Variants in THSD4 observed in about 807,000 individuals in gnomAD.
The protein encoded by THSD4 is thrombospondin type 1 domain containing 4.
Under a neutral mutation model 119.0 loss-of-function variants are expected in THSD4, and 69 were observed. The ratio of observed to expected loss-of-function variants is 0.58; its 90% CI spans 0.48 to 0.71. The LOEUF (loss-of-function observed/expected upper bound fraction) is 0.71, where lower values mean the gene tolerates loss of function less well. Ranked by LOEUF, THSD4 falls within the 30% of genes least tolerant of loss-of-function variation. The probability of loss-of-function intolerance (pLI) is 0.00; values close to 1 mark genes in which losing one functional copy is unlikely to be tolerated. For synonymous variants in THSD4, 524 were observed against 540.4 expected (o/e 0.97, Z 0.42); for missense variants, 1,393 against 1,391.1 (o/e 1.00, Z -0.02).
At chr15:71,758,513 A>C (rs903581691) in intron 15 of THSD4, among the ~76,000 whole-genome samples, 2 of 152,256 alleles carry the variant, frequency 1.3e-5, no homozygotes, top group Non-Finnish European at 2.9e-5. Flanking sequence ...TGTATTTGAC[A>C]GTATCAGAAG....
At chr15:71,110,258 T>C (rs1309372748) in intron 1 of THSD4, 1 of 152,230 alleles carries the variant, frequency 6.6e-6, no homozygotes, top group East Asian at 1.9e-4. Flanking sequence ...TTCAGAATGA[T>C]GGATTTGCTT....
intron 7 of THSD4, among the ~76,000 whole-genome samples, chr15:71,636,296 G>A (rs1333392387): frequency 6.6e-6 from 1 of 152,084 alleles, no homozygotes; most frequent in Non-Finnish European, 1.5e-5. Flanking sequence ...GGTGGCAGGT[G>A]CCTGTAATCC....
At chr15:71,437,079 T>C (rs770204682) in intron 7 of THSD4, among the ~76,000 whole-genome samples, 48 of 151,984 alleles carry the variant, frequency 3.2e-4, no homozygotes, top group African/African-American at 7.0e-4. Flanking sequence ...TCTGCTCAGC[T>C]TCTGGTAAGG....
chr15:71,143,685 C>CT (rs11462253), intron 2 of THSD4, among the ~76,000 whole-genome samples: 16,971 of 114,734 alleles, frequency 0.15, 2,231 homozygotes, highest in African/African-American at 0.4. Context: ...TTTTTTCTTT[C>CT]TTTTTTTTTT....
At chr15:71,515,337 C>G (rs1291245312) in intron 7 of THSD4, among the ~76,000 whole-genome samples, 1 of 152,108 alleles carries the variant, frequency 6.6e-6, no homozygotes, top group African/African-American at 2.4e-5. Context: ...GAAATGAAAA[C>G]CATTTCTTTA....
At chr15:71,530,299 G>T (rs952718968) in intron 7 of THSD4, among the ~76,000 whole-genome samples, 2 of 152,162 alleles carry the variant, frequency 1.3e-5, no homozygotes, top group Admixed American at 6.5e-5. Context: ...GCAAGTTGAG[G>T]TTAGCAGCAG....
chr15:71,458,949 A>C (rs1306864443), intron 7 of THSD4, among the ~76,000 whole-genome samples: 1 of 152,124 alleles, frequency 6.6e-6, no homozygotes, highest in Non-Finnish European at 1.5e-5. Flanking sequence ...GTGGATGGCC[A>C]GTCACAAGTT....
At chr15:71,109,057 C>T (rs907337825) in intron 1 of THSD4, among the ~76,000 whole-genome samples, 1 of 152,146 alleles carries the variant, frequency 6.6e-6, no homozygotes, top group Non-Finnish European at 1.5e-5. Flanking sequence ...TCTCTTCCAC[C>T]TCTAGAATTC....
At chr15:71,250,825 T>C (rs545123438) in intron 5 of THSD4, among the ~76,000 whole-genome samples, 135 of 152,236 alleles carry the variant, frequency 8.9e-4, no homozygotes, top group African/African-American at 3.2e-3. Context: ...AGGCTGGGCT[T>C]AGTGTCATAT....
chr15:71,137,154 A>T (rs2040558949), intron 1 of THSD4, among the ~76,000 whole-genome samples: 1 of 152,162 alleles, frequency 6.6e-6, no homozygotes. Flanking sequence ...CACTGTGAAG[A>T]AAGGTTATAA....
rs372209662 is a variant in THSD4 at position 71,459,160 on chromosome 15, C to CTTTTTTTTTTT, written c.1152+47345_1152+47355dup. The stretch of plus-strand genomic sequence containing the variant: ...CTTTTCTTTTTCATTTTCTTTTTTT[C>CTTTTTTTTTTT]TTTTTTTTTTTTTTTTTTGACAGAG... On this transcript the variant is annotated intron_variant, in intron 7 of 17. Coordinates refer to ENST00000261862, the MANE Select transcript of THSD4 (RefSeq NM_024817.3). Among the ~76,000 whole-genome samples the CTTTTTTTTTTT allele has an allele frequency of 7.8e-4, 100 of 128,864 alleles. 5 individuals are homozygous for CTTTTTTTTTTT. The South Asian group carries it at 0.019, about 25-fold the overall frequency. The allele number at this position is 128,864 out of a possible 152,430, so 84.5% of individuals were successfully genotyped here.
intron 7 of THSD4, among the ~76,000 whole-genome samples, chr15:71,472,455 C>T (rs1183012326): frequency 6.6e-6 from 1 of 152,252 alleles, no homozygotes; most frequent in South Asian, 2.1e-4. Context: ...AGCAGGGATC[C>T]TTTCCAACAA....
chr15:71,597,936 G>A (rs139843788), intron 7 of THSD4, among the ~76,000 whole-genome samples: 25 of 152,220 alleles, frequency 1.6e-4, no homozygotes, highest in African/African-American at 5.3e-4. Flanking sequence ...TTTAGTGAGC[G>A]CCAGACATTT....
intron 7 of THSD4, among the ~76,000 whole-genome samples, chr15:71,526,054 G>A (rs1211365428): frequency 2.6e-4 from 39 of 152,204 alleles, no homozygotes; most frequent in Middle Eastern, 3.2e-3. Flanking sequence ...CAAATTTAGA[G>A]TGTTTTCACT....
intron 7 of THSD4, among the ~76,000 whole-genome samples, chr15:71,654,127 G>T (rs1355322677): frequency 1.3e-5 from 2 of 152,176 alleles, no homozygotes; most frequent in African/African-American, 2.4e-5. Flanking sequence ...AAACAAATGG[G>T]AGTGTTTGTG....
chr15:71,138,808 G>T (rs970578719), intron 1 of THSD4, among the ~76,000 whole-genome samples: 1 of 151,990 alleles, frequency 6.6e-6, no homozygotes, highest in Admixed American at 6.6e-5. Context: ...ACTTATTTAT[G>T]ATTTAGTTTG....
chr15:71,396,478 A>G (rs1390464712), intron 6 of THSD4, among the ~76,000 whole-genome samples: 1 of 152,210 alleles, frequency 6.6e-6, no homozygotes, highest in Non-Finnish European at 1.5e-5. Flanking sequence ...AGTTTGTACC[A>G]GAATTCCCTT....
chr15:71,606,464 G>A (rs72740641), intron 7 of THSD4, among the ~76,000 whole-genome samples: 14,506 of 152,252 alleles, frequency 0.095, 853 homozygotes, highest in Middle Eastern at 0.15. Context: ...ACTCCAGCAA[G>A]GAGGCAGGAT....
chr15:71,121,723 T>C (rs1275607575), intron 1 of THSD4, among the ~76,000 whole-genome samples: 1 of 152,174 alleles, frequency 6.6e-6, no homozygotes, highest in East Asian at 1.9e-4. Context: ...GCTAGCTTTG[T>C]TGTGACCTGA....
Sources: gnomAD v4.1 joint callset for allele counts (sites outside exome capture counted in the v4.1 genomes callset) on GRCh38, gnomAD v4.1.1 for gene constraint, MANE v1.5 for transcripts, NCBI Gene and HGNC (gene_info 2026-07-23, HGNC 2026-07-21) for gene names.